RAB37: variants seen among roughly 807,000 people sequenced by gnomAD.
RAB37 encodes the protein ras-related protein Rab-37.
In RAB37, 29 loss-of-function variants were observed where a neutral mutation model predicts 33.1. That is an observed-to-expected ratio of 0.88 (90% CI 0.65 to 1.20). The LOEUF (loss-of-function observed/expected upper bound fraction) is 1.20. RAB37 is among the 50% of genes most tolerant of loss of function. RAB37 has a pLI of 0.00. For synonymous variants in RAB37, 128 were observed against 119.5 expected (o/e 1.07, Z -0.47); for missense variants, 299 against 301.1 (o/e 0.99, Z 0.05).
At chr17:74,696,439 C>T (rs1260109800) in intron 1 of RAB37, among the ~76,000 whole-genome samples, 1 of 152,104 alleles carries the variant, frequency 6.6e-6, no homozygotes, top group African/African-American at 2.4e-5. Context: ...AGAGGGACAC[C>T]CCAGCCCCCT....
chr17:74,679,353 A>ACACCCC (rs1460370761), intron 1 of RAB37, among the ~76,000 whole-genome samples: 2 of 152,040 alleles, frequency 1.3e-5, no homozygotes, highest in Admixed American at 1.3e-4. Context: ...GATGAGGCAG[A>ACACCCC]CACCCCCTTT....
At chr17:74,685,436 C>T (rs181538795) in intron 1 of RAB37, among the ~76,000 whole-genome samples, 2 of 152,300 alleles carry the variant, frequency 1.3e-5, no homozygotes, top group Admixed American at 1.3e-4. Context: ...GATCTGCCTG[C>T]CTTGGCCTCC....
In RAB37 at chr17:74,740,803, A is replaced by G. The variant is rs2144073569; in HGVS notation, c.129A>G (p.Thr43=). 1 of 1,614,096 alleles carries G rather than the reference A, an allele frequency of 6.2e-7. No individual in the cohort carries two copies. The highest frequency in any genetic ancestry group is 8.5e-7 in the Non-Finnish European group (1 of 1,179,994). ...TGGGAGACACAGGCGTCGGCAAAACATGTTTCCTGATCCAATTCAAAGACG... is the reference window on the plus strand; with the variant it reads ...TGGGAGACACAGGCGTCGGCAAAACGTGTTTCCTGATCCAATTCAAAGACG... ...MLLGDTGVGK[T]CFLIQFKDGA... Residue 43 remains threonine, a synonymous_variant, in exon 2 of 9, where the codon ACA becomes ACG. Coordinates refer to ENST00000392613, the MANE Select transcript of RAB37 (RefSeq NM_001006638.3).
At chr17:74,735,006 A>AAAGGAAGG (rs1278575071), upstream of RAB37, among the ~76,000 whole-genome samples, 26 of 99,172 alleles carry the variant, frequency 2.6e-4, no homozygotes, top group East Asian at 8.2e-4. Context: ...AAAGAAAAAG[A>AAAGGAAGG]AAGGAAGGAA....
At chr17:74,707,651 G>T (rs938601485) in intron 1 of RAB37, among the ~76,000 whole-genome samples, 1 of 151,630 alleles carries the variant, frequency 6.6e-6, no homozygotes, top group African/African-American at 2.4e-5. Flanking sequence ...GGAGGCGGAG[G>T]TTGCAGTGAG....
At chr17:74,728,564 G>T (rs2034337564) in intron 1 of RAB37, among the ~76,000 whole-genome samples, 1 of 151,534 alleles carries the variant, frequency 6.6e-6, no homozygotes, top group African/African-American at 2.4e-5. Flanking sequence ...CTATGTTTCT[G>T]CATCATGTGT....
intron 1 of RAB37, among the ~76,000 whole-genome samples, chr17:74,700,001 G>A (rs1326649863): frequency 6.6e-6 from 1 of 151,986 alleles, no homozygotes; most frequent in Non-Finnish European, 1.5e-5. Context: ...AATTAGCTGG[G>A]TGGGGTGGCG....
At chr17:74,696,397 C>T (rs1198978605) in intron 1 of RAB37, among the ~76,000 whole-genome samples, 1 of 152,178 alleles carries the variant, frequency 6.6e-6, no homozygotes, top group East Asian at 1.9e-4. Context: ...CGTCATGTCA[C>T]CTCTCTGACC....
At chr17:74,721,681 G>A (rs62084905) in intron 1 of RAB37, among the ~76,000 whole-genome samples, 89,593 of 151,946 alleles carry the variant, frequency 0.59, 32,179 homozygotes, top group Non-Finnish European at 0.81. Flanking sequence ...GATCCGCCTC[G>A]GCCTCCCAAA....
chr17:74,702,443 GA>G (rs2033139686), intron 1 of RAB37, among the ~76,000 whole-genome samples: 1 of 152,212 alleles, frequency 6.6e-6, no homozygotes, highest in Non-Finnish European at 1.5e-5. Flanking sequence ...GTGGTTGTAG[GA>G]AAGGTCAAAG....
rs1054629872 is a variant in RAB37, at chr17:74,745,723, C to T, written c.*312C>T. 1 of 295,498 alleles carries T rather than the reference C, an allele frequency of 3.4e-6. No homozygotes were observed. The highest frequency in any genetic ancestry group is 6.4e-6 in the Non-Finnish European group (1 of 156,520). 18.3% of individuals were successfully genotyped at this position (295,498 alleles called of 1,614,324 possible). A position where few individuals can be genotyped will look rare whatever the true frequency, so the allele number is the denominator to read the frequency against. On this transcript the variant is annotated 3_prime_UTR_variant, in exon 9 of 9. Transcript: ENST00000392613. The surrounding 1 kb of genome is among the most constrained non-coding windows in gnomAD (Gnocchi z 4.5). ...TTTTGCTTTCTAGGACTTGGGGGGCCGGCCCTCCCTCCTAAGCATAACAAA... is the reference window on the plus strand; with the variant it reads ...TTTTGCTTTCTAGGACTTGGGGGGCTGGCCCTCCCTCCTAAGCATAACAAA...
intron 1 of RAB37, among the ~76,000 whole-genome samples, chr17:74,690,938 A>G (rs2032146964): frequency 6.6e-6 from 1 of 152,154 alleles, no homozygotes; most frequent in Admixed American, 6.5e-5. Flanking sequence ...CGTTTTTTTG[A>G]GACAGGGTCT....
chr17:74,718,698 T>C (rs2034201128), intron 1 of RAB37, among the ~76,000 whole-genome samples: 1 of 152,120 alleles, frequency 6.6e-6, no homozygotes, highest in African/African-American at 2.4e-5. Flanking sequence ...ACTACAAAAG[T>C]AATGTGTGTT....
Position 74,745,397 on chromosome 17 carries a change from T to G in RAB37, c.658T>G (p.Cys220Gly), listed in dbSNP as rs1175113339. Residue 220 changes from cysteine (C) to glycine (G), a missense_variant, in exon 9 of 9, where the codon TGC (cysteine) becomes GGC (glycine). Transcript: ENST00000392613. This position sits in a 1 kb window ranked among gnomAD's most constrained non-coding sequence, Gnocchi z 4.5. Reference sequence around the variant, plus strand: ...GTCCCAGAAGAAGCGCTCCAGCTGCTGCTCCTTCATGTGAATCCCAGGGGG... The same window carrying G: ...GTCCCAGAAGAAGCGCTCCAGCTGCGGCTCCTTCATGTGAATCCCAGGGGG... ...VESQKKRSSCCSFM is the reference protein window; with the variant it reads ...VESQKKRSSCGSFM 6.2e-7 allele frequency: 1 copy of G among 1,613,754 alleles called. No homozygotes were observed. Among genetic ancestry groups the G allele is most frequent in the Non-Finnish European group, 8.5e-7 (1 of 1,179,796 alleles).
At chr17:74,725,846 C>T (rs1261390012) in intron 1 of RAB37, among the ~76,000 whole-genome samples, 1 of 152,070 alleles carries the variant, frequency 6.6e-6, no homozygotes, top group Non-Finnish European at 1.5e-5. Flanking sequence ...AAACTCCTGA[C>T]TTCAGGTGAT....
chr17:74,680,897 C>G (rs889847331), intron 1 of RAB37, among the ~76,000 whole-genome samples: 47 of 152,184 alleles, frequency 3.1e-4, no homozygotes, highest in Admixed American at 2.6e-3. Context: ...GGGGCAAGAA[C>G]CATGGAAGAG....
At chr17:74,735,905 A>G (rs953788570), upstream of RAB37, among the ~76,000 whole-genome samples, 17 of 151,890 alleles carry the variant, frequency 1.1e-4, no homozygotes, top group Non-Finnish European at 1.8e-4. Flanking sequence ...TCACCTCCAC[A>G]CCTAAGTTAA....
At chr17:74,709,453 A>G (rs577445518) in intron 1 of RAB37, among the ~76,000 whole-genome samples, 2 of 152,340 alleles carry the variant, frequency 1.3e-5, no homozygotes, top group East Asian at 3.9e-4. Context: ...ATTCATATGT[A>G]CTTTATAATA....
chr17:74,723,042 A>T (rs900043805), intron 1 of RAB37, among the ~76,000 whole-genome samples: 1 of 152,226 alleles, frequency 6.6e-6, no homozygotes, highest in Non-Finnish European at 1.5e-5. Context: ...ATTTAATGTT[A>T]TGCCCTGCAT....
Sources: allele counts gnomAD v4.1 joint callset (sites outside exome capture counted in the v4.1 genomes callset), GRCh38; gene constraint gnomAD v4.1.1; non-coding constraint Gnocchi (gnomAD v3.1); transcripts MANE v1.5; gene names NCBI Gene and HGNC (gene_info 2026-07-23, HGNC 2026-07-21).